The following RANBP2 variants were observed in gnomAD, a reference collection of about 807,000 sequenced individuals.
RANBP2 encodes E3 SUMO-protein ligase RanBP2.
Under a neutral mutation model 303.6 loss-of-function variants are expected in RANBP2, and 57 were observed. The ratio of observed to expected loss-of-function variants is 0.19; its 90% CI spans 0.15 to 0.23. RANBP2 has a LOEUF of 0.23. Ranked by LOEUF, RANBP2 falls within the 10% of genes least tolerant of loss-of-function variation. The pLI is 1.00. For synonymous variants in RANBP2, 1,167 were observed against 1,301.5 expected (o/e 0.90, Z 2.23); for missense variants, 3,138 against 3,780.8 (o/e 0.83, Z 4.46).
chr2:109,226,445 C>A, the RANBP2 span, among the ~76,000 whole-genome samples: 1 of 152,212 alleles, frequency 6.6e-6, no homozygotes, highest in Admixed American at 6.5e-5. Flanking sequence ...GGCCCATGTG[C>A]AGTCCTCATC....
At chr2:109,684,253 T>TTTTTTTTTTC in the RANBP2 span, among the ~76,000 whole-genome samples, 16 of 142,674 alleles carry the variant, frequency 1.1e-4, 2 homozygotes, top group Non-Finnish European at 2.2e-4. Flanking sequence ...TACTTTTTTT[T>TTTTTTTTTTC]TTTTTTGAGG....
At chr2:109,180,566 T>C in the RANBP2 span, among the ~76,000 whole-genome samples, 1 of 152,184 alleles carries the variant, frequency 6.6e-6, no homozygotes, top group Non-Finnish European at 1.5e-5. Flanking sequence ...AATTGAATCA[T>C]GGGGGTGGTT....
chr2:108,904,680 A>G, the RANBP2 span, among the ~76,000 whole-genome samples: 1 of 152,254 alleles, frequency 6.6e-6, no homozygotes, highest in African/African-American at 2.4e-5. Flanking sequence ...ATGGACCTCC[A>G]GTGAATTATG....
chr2:109,579,146 A>C, the RANBP2 span, among the ~76,000 whole-genome samples: 2 of 152,230 alleles, frequency 1.3e-5, no homozygotes, highest in East Asian at 3.8e-4. Context: ...GTACATTATC[A>C]ATATATTTAA....
chr2:109,693,489 T>C, the RANBP2 span, among the ~76,000 whole-genome samples: 1 of 152,176 alleles, frequency 6.6e-6, no homozygotes, highest in Non-Finnish European at 1.5e-5. Flanking sequence ...AATTGAATCA[T>C]GGGGTGGTTT....
chr2:108,894,547 C>CAATT, the RANBP2 span: 1 of 152,406 alleles, frequency 6.6e-6, no homozygotes, highest in Non-Finnish European at 1.5e-5. Context: ...ATAATATTGA[C>CAATT]AATTAAGACT....
chr2:109,569,466 A>G, the RANBP2 span, among the ~76,000 whole-genome samples: 1 of 151,174 alleles, frequency 6.6e-6, no homozygotes, highest in African/African-American at 2.4e-5. Flanking sequence ...GGAAAAAATT[A>G]TAATTCCTAT....
chr2:109,369,604 G>C, the RANBP2 span, among the ~76,000 whole-genome samples: 1 of 152,154 alleles, frequency 6.6e-6, no homozygotes, highest in Non-Finnish European at 1.5e-5. Context: ...AAAGTGAGGG[G>C]TGTGATTGCC....
In RANBP2 at chr2:108,782,119, C is replaced by T; in HGVS notation, c.8761-9C>T. 1.9e-6 allele frequency: 3 copies of T among 1,613,642 alleles called. No homozygotes were observed. The highest frequency in any genetic ancestry group is 1.7e-6 in the Non-Finnish European group (2 of 1,179,862). ...AGCAGCTTATAGAGAATTTCATCTC[C>T]TATTATAGGTAGAAGTAAAATCTGG... On this transcript the variant is annotated splice_polypyrimidine_tract_variant and intron_variant, in intron 26 of 28. Transcript: ENST00000283195.
chr2:108,937,089 C>T, the RANBP2 span, among the ~76,000 whole-genome samples: 1 of 152,344 alleles, frequency 6.6e-6, no homozygotes, highest in African/African-American at 2.4e-5. Context: ...ACCGTCCTTC[C>T]CAAGGCTGGA....
the RANBP2 span, among the ~76,000 whole-genome samples, chr2:109,000,238 A>G: frequency 6.6e-6 from 1 of 152,184 alleles, no homozygotes; most frequent in Admixed American, 6.5e-5. Context: ...ATGCAAATAA[A>G]GTCCTAGGCC....
At chr2:109,669,272 A>C in the RANBP2 span, among the ~76,000 whole-genome samples, 1 of 152,234 alleles carries the variant, frequency 6.6e-6, no homozygotes. Flanking sequence ...TCTAGGCAAA[A>C]GTTTTTGGTT....
the RANBP2 span, among the ~76,000 whole-genome samples, chr2:109,187,868 C>G: frequency 6.6e-6 from 1 of 152,208 alleles, no homozygotes; most frequent in Non-Finnish European, 1.5e-5. Context: ...ACTGGGTGCT[C>G]TCTTCCTGCC....
chr2:109,696,566 A>G, the RANBP2 span, among the ~76,000 whole-genome samples: 6 of 152,214 alleles, frequency 3.9e-5, no homozygotes, highest in African/African-American at 1.4e-4. Context: ...TCTTGGTCTT[A>G]AAATTGGTTA....
the RANBP2 span, chr2:109,616,128 T>G: frequency 7.0e-7 from 1 of 1,428,422 alleles, no homozygotes; most frequent in Non-Finnish European, 9.2e-7. Flanking sequence ...ATACTAGGTG[T>G]TGTAAGGAAG....
At chr2:108,760,647 T>C (rs1466393904) in intron 18 of RANBP2, among the ~76,000 whole-genome samples, 1 of 152,196 alleles carries the variant, frequency 6.6e-6, no homozygotes, top group Non-Finnish European at 1.5e-5. Flanking sequence ...TTTTAAGTTT[T>C]TTTAATACTA....
At chr2:108,866,123 T>G in the RANBP2 span, among the ~76,000 whole-genome samples, 3 of 152,124 alleles carry the variant, frequency 2.0e-5, no homozygotes, top group Non-Finnish European at 2.9e-5. Flanking sequence ...CCTCTTAAAG[T>G]TTCTGGATTT....
the RANBP2 span, among the ~76,000 whole-genome samples, chr2:108,880,184 G>A: frequency 2.1e-5 from 1 of 47,138 alleles, no homozygotes; most frequent in Admixed American, 3.4e-4. Flanking sequence ...TTCCAGACAG[G>A]GTAACTTAAA....
At chr2:109,187,867 T>C in the RANBP2 span, among the ~76,000 whole-genome samples, 1 of 152,164 alleles carries the variant, frequency 6.6e-6, no homozygotes, top group South Asian at 2.1e-4. Context: ...GACTGGGTGC[T>C]CTCTTCCTGC....
Sources: allele counts gnomAD v4.1 joint callset (sites outside exome capture counted in the v4.1 genomes callset), GRCh38; gene constraint gnomAD v4.1.1; transcripts MANE v1.5; gene names NCBI Gene and HGNC (gene_info 2026-07-23, HGNC 2026-07-21).